Variants in RELL1 observed in about 807,000 individuals in gnomAD.
The protein encoded by RELL1 is RELT-like protein 1.
In RELL1, 10 loss-of-function variants were observed where a neutral mutation model predicts 23.0. That is an observed-to-expected ratio of 0.43 (90% CI 0.27 to 0.74). The LOEUF (loss-of-function observed/expected upper bound fraction) is 0.74. Among genes scored for constraint, RELL1 ranks in the 30% least tolerant of loss-of-function variants. The pLI, the probability that RELL1 is intolerant of heterozygous loss-of-function variation, is 0.19. For missense variants in RELL1, 315 were observed against 364.4 expected (o/e 0.86, Z 1.10); for synonymous variants, 146 against 146.8 (o/e 0.99, Z 0.04).
intron 1 of RELL1, among the ~76,000 whole-genome samples, chr4:37,661,411 C>G (rs2109298151): frequency 6.6e-6 from 1 of 152,280 alleles, no homozygotes; most frequent in South Asian, 2.1e-4. Flanking sequence ...TCCAGAGTAT[C>G]TGGGATTACA....
At chr4:37,674,903 T>G (rs1339707430) in intron 1 of RELL1, among the ~76,000 whole-genome samples, 1 of 152,266 alleles carries the variant, frequency 6.6e-6, no homozygotes, top group Admixed American at 6.5e-5. Flanking sequence ...GTGAATGTGC[T>G]ATGTACAGGC....
At chr4:37,666,900 C>T (rs1319949931) in intron 1 of RELL1, among the ~76,000 whole-genome samples, 13 of 152,210 alleles carry the variant, frequency 8.5e-5, no homozygotes, top group Admixed American at 8.5e-4. Flanking sequence ...TCCTGCAAGA[C>T]AGGCACGTGG....
chr4:37,650,892 C>G (rs1720909044), intron 1 of RELL1, among the ~76,000 whole-genome samples: 1 of 151,440 alleles, frequency 6.6e-6, no homozygotes, highest in Non-Finnish European at 1.5e-5. Context: ...AACCCCGTCT[C>G]CACTAAAAAT....
chr4:37,601,753 T>TA (rs1719023500), intron 6 of RELL1, among the ~76,000 whole-genome samples: 1 of 152,222 alleles, frequency 6.6e-6, no homozygotes, highest in African/African-American at 2.4e-5. Flanking sequence ...ACTCCTCCTA[T>TA]AGCTACGTTT....
chr4:37,590,615 A>G (rs1718555208), downstream of RELL1: 1 of 1,614,048 alleles, frequency 6.2e-7, no homozygotes, highest in Non-Finnish European at 8.5e-7. Context: ...CCAGCCCCAG[A>G]TTACCTTCAG....
chr4:37,660,318 A>G lies in RELL1; in HGVS notation c.89-10818T>C, dbSNP rs1223638723. On this transcript the variant is annotated intron_variant, in intron 1 of 6. Coordinates refer to ENST00000454158, the MANE Select transcript of RELL1 (RefSeq NM_001085400.2). ...CAAGCAGGAGCTGATGTTCTTCATGATTCTCAAAATTCCACTATTCCCCAA... is the reference window on the plus strand; with the variant it reads ...CAAGCAGGAGCTGATGTTCTTCATGGTTCTCAAAATTCCACTATTCCCCAA... 5.9e-5 allele frequency among the ~76,000 whole-genome samples: 9 copies of G among 151,920 alleles called. No homozygotes were observed. In the South Asian group the frequency reaches 6.2e-4, roughly 11 times the overall value.
downstream of RELL1, among the ~76,000 whole-genome samples, chr4:37,589,192 C>G (rs772345417): frequency 6.6e-6 from 1 of 152,132 alleles, no homozygotes; most frequent in Non-Finnish European, 1.5e-5. Context: ...GAAAATAAAT[C>G]ACCCCAATCA....
At chr4:37,654,210 C>T (rs1721045940) in intron 1 of RELL1, among the ~76,000 whole-genome samples, 2 of 152,148 alleles carry the variant, frequency 1.3e-5, no homozygotes, top group East Asian at 3.8e-4. Context: ...TATTTAAATT[C>T]AAATTTAAGC....
chr4:37,683,906 C>A (rs1201840531), intron 1 of RELL1, among the ~76,000 whole-genome samples: 1 of 151,494 alleles, frequency 6.6e-6, no homozygotes, highest in Non-Finnish European at 1.5e-5. Context: ...ACGGTGAAAC[C>A]CCGTCTCTAC....
At chr4:37,670,486 T>A (rs1393091357) in intron 1 of RELL1, among the ~76,000 whole-genome samples, 1 of 152,176 alleles carries the variant, frequency 6.6e-6, no homozygotes, top group East Asian at 1.9e-4. Context: ...TATAGTAGTA[T>A]AACTTCTACT....
At chr4:37,646,363 A>T (rs1577587015) in intron 3 of RELL1, among the ~76,000 whole-genome samples, 2 of 152,352 alleles carry the variant, frequency 1.3e-5, no homozygotes, top group East Asian at 3.9e-4. Context: ...AACTTTGTAA[A>T]AGTGTTAACA....
intron 6 of RELL1, among the ~76,000 whole-genome samples, chr4:37,600,245 G>A (rs2939738): frequency 0.37 from 54,852 of 147,624 alleles, 10,772 homozygotes; most frequent in East Asian, 0.5. Context: ...ACTCCAGCCT[G>A]GGTGACAGAG....
intron 1 of RELL1, among the ~76,000 whole-genome samples, chr4:37,668,264 G>A (rs546144539): frequency 3.3e-5 from 4 of 122,962 alleles, no homozygotes; most frequent in Admixed American, 2.0e-4. Flanking sequence ...CTCTGATACC[G>A]AGCCGAAGCT....
chr4:37,595,839 C>G (rs1718820660), intron 6 of RELL1, among the ~76,000 whole-genome samples: 4 of 152,032 alleles, frequency 2.6e-5, no homozygotes, highest in Admixed American at 2.6e-4. Flanking sequence ...TTAAGAAAAC[C>G]AATGTTTGGG....
chr4:37,655,250 TATA>T (rs1323115808), intron 1 of RELL1, among the ~76,000 whole-genome samples: 1 of 152,070 alleles, frequency 6.6e-6, no homozygotes. Flanking sequence ...GAAATATATA[TATA>T]TATATATAAA....
At chr4:37,613,485 C>A (rs1719477169) in intron 6 of RELL1, 143 bp from the exon 7 acceptor site, 1 of 151,078 alleles carries the variant, frequency 6.6e-6, no homozygotes, top group African/African-American at 2.4e-5. Context: ...ATTCCTTCTA[C>A]CACTGTACAT....
At chr4:37,679,903 G>C (rs1722146806) in intron 1 of RELL1, among the ~76,000 whole-genome samples, 1 of 151,370 alleles carries the variant, frequency 6.6e-6, no homozygotes, top group Non-Finnish European at 1.5e-5. Context: ...AGTGACCCGA[G>C]ATCACACCAC....
At chr4:37,668,778 T>C (rs1442973351) in intron 1 of RELL1, among the ~76,000 whole-genome samples, 1 of 132,056 alleles carries the variant, frequency 7.6e-6, no homozygotes, top group Non-Finnish European at 1.5e-5. Context: ...GAGGAGCGCC[T>C]CTTCCCGGCC....
intron 5 of RELL1, among the ~76,000 whole-genome samples, chr4:37,632,259 C>A (rs1462190300): frequency 6.6e-6 from 1 of 151,880 alleles, no homozygotes; most frequent in Admixed American, 6.6e-5. Flanking sequence ...GCAACCTCCA[C>A]CTCCTGGGTT....
Sources: allele counts gnomAD v4.1 joint callset (sites outside exome capture counted in the v4.1 genomes callset), GRCh38; gene constraint gnomAD v4.1.1; transcripts MANE v1.5; gene names NCBI Gene and HGNC (gene_info 2026-07-23, HGNC 2026-07-21).